The following TRDN variants were observed in gnomAD, a reference collection of about 807,000 sequenced individuals.
The protein encoded by TRDN is triadin.
Under a neutral mutation model 149.7 loss-of-function variants are expected in TRDN, and 161 were observed. The observed-to-expected ratio is 1.08, with a 90% CI of 0.95 to 1.23. The LOEUF (loss-of-function observed/expected upper bound fraction) is 1.23. Ranked by LOEUF, TRDN falls within the 50% of genes most tolerant of loss-of-function variation. TRDN has a pLI of 0.00. For missense variants in TRDN, 896 were observed against 823.5 expected, an observed-to-expected ratio of 1.09 and a Z score of -1.08; for synonymous variants, 294 against 250.5, an observed-to-expected ratio of 1.17 and a Z score of -1.64.
chr6:123,350,691 C>T (rs1780430301), intron 21 of TRDN: 2 of 811,952 alleles, frequency 2.5e-6, no homozygotes, highest in Admixed American at 6.3e-5. Flanking sequence ...TGCAAAATAT[C>T]CAAATATATT....
chr6:123,571,867 C>T (rs749639050), intron 1 of TRDN, among the ~76,000 whole-genome samples: 2 of 151,992 alleles, frequency 1.3e-5, no homozygotes, highest in Non-Finnish European at 1.5e-5. Flanking sequence ...TAAGTGGCTT[C>T]ATGACATGTA....
At chr6:123,467,185 A>C (rs930255365) in intron 9 of TRDN, among the ~76,000 whole-genome samples, 1 of 152,082 alleles carries the variant, frequency 6.6e-6, no homozygotes, top group African/African-American at 2.4e-5. Flanking sequence ...GTGTTGAAGG[A>C]AAATCGTATA....
chr6:123,286,623 T>C (rs1221534174), intron 24 of TRDN, among the ~76,000 whole-genome samples: 1 of 151,904 alleles, frequency 6.6e-6, no homozygotes, highest in Admixed American at 6.6e-5. Flanking sequence ...AAATCACAAC[T>C]GAAGAACTTA....
intron 12 of TRDN, among the ~76,000 whole-genome samples, chr6:123,427,812 T>C (rs987321383): frequency 5.9e-5 from 9 of 152,146 alleles, no homozygotes; most frequent in African/African-American, 2.2e-4. Context: ...ATTATCCAAG[T>C]GTAATTCTAA....
At chr6:123,579,875 T>A (rs1412117734) in intron 1 of TRDN, among the ~76,000 whole-genome samples, 1 of 152,044 alleles carries the variant, frequency 6.6e-6, no homozygotes, top group Non-Finnish European at 1.5e-5. Context: ...CCTCCCTCAC[T>A]CAGCACTTCT....
At chr6:123,590,047 C>A (rs182881538) in intron 1 of TRDN, among the ~76,000 whole-genome samples, 80 of 152,186 alleles carry the variant, frequency 5.3e-4, no homozygotes, top group African/African-American at 1.9e-3. Context: ...TTAACAATTA[C>A]AATTTTTAAT....
intron 38 of TRDN, among the ~76,000 whole-genome samples, chr6:123,227,081 C>A (rs1213726931): frequency 1.3e-5 from 2 of 151,728 alleles, no homozygotes; most frequent in South Asian, 2.1e-4. Flanking sequence ...AGGCTAAGTA[C>A]CCTCAACTAA....
chr6:123,585,547 C>T (rs758749776), intron 1 of TRDN, among the ~76,000 whole-genome samples: 54 of 152,260 alleles, frequency 3.5e-4, no homozygotes, highest in Admixed American at 1.1e-3. Context: ...GATTGGGCAG[C>T]GTCAGTCTTC....
Position 123,392,399 on chromosome 6 carries a change from T to C in TRDN, c.1105+1225A>G, listed in dbSNP as rs189728634. Among the ~76,000 whole-genome samples, 408 of 152,098 alleles carry C rather than the reference T, an allele frequency of 2.7e-3. 3 individuals carry two copies. Among genetic ancestry groups the C allele is most frequent in the African/African-American group, 9.2e-3 (381 of 41,554 alleles). ...TCGTAGTTCCACATCTACACTATGGTCCTCAGAAGTCTCAGTCAAACAGAA... is the reference window on the plus strand; with the variant it reads ...TCGTAGTTCCACATCTACACTATGGCCCTCAGAAGTCTCAGTCAAACAGAA... On this transcript the variant is annotated intron_variant, in intron 13 of 40. Coordinates refer to ENST00000334268, the MANE Select transcript of TRDN (RefSeq NM_006073.4).
rs530257072 is a variant in TRDN, at chr6:123,406,999, A to G, written c.1052-13322T>C. Among the ~76,000 whole-genome samples the G allele has an allele frequency of 7.3e-5, 11 of 151,642 alleles. No homozygotes were observed. In the South Asian group the frequency reaches 2.3e-3, roughly 32 times the overall value. On this transcript the variant is annotated intron_variant, in intron 12 of 40. Coordinates refer to ENST00000334268, the MANE Select transcript of TRDN (RefSeq NM_006073.4). ...CTTCCCACCTTCAGGCTCCAAGCTC[A>G]GGGTGCTTGCTGAGAGGGCCCAAGC...
rs1465776172 is a variant in TRDN at position 123,574,869 on chromosome 6, TATATATATATATATATATATATATAC to T, written c.23-3763_23-3738del. 2.3e-3 allele frequency among the ~76,000 whole-genome samples: 279 copies of T among 122,398 alleles called. 3 individuals are homozygous for T. Among genetic ancestry groups the T allele is most frequent in the African/African-American group, 9.2e-3 (252 of 27,440 alleles). 80.3% of individuals were successfully genotyped at this position (122,398 alleles called of 152,430 possible). ...GAATTTATATATACATATATATATA[TATATATATATATATATATATATATAC>T]ACACATTTTCCTTTCTTTGATCAAA... On this transcript the variant is annotated intron_variant, in intron 1 of 40. Coordinates refer to ENST00000334268, the MANE Select transcript of TRDN (RefSeq NM_006073.4).
At chr6:123,540,927 GTTGT>G (rs1780804778) in intron 4 of TRDN, among the ~76,000 whole-genome samples, 1 of 152,016 alleles carries the variant, frequency 6.6e-6, no homozygotes, top group African/African-American at 2.4e-5. Context: ...TTTTTTTGTT[GTTGT>G]TTATTTTATT....
intron 4 of TRDN, among the ~76,000 whole-genome samples, chr6:123,546,168 T>C (rs1781100999): frequency 6.6e-6 from 1 of 152,078 alleles, no homozygotes; most frequent in African/African-American, 2.4e-5. Context: ...TCTCTAAACC[T>C]GGATTTGATG....
intron 2 of TRDN, among the ~76,000 whole-genome samples, chr6:123,559,572 C>A (rs1781867397): frequency 6.6e-6 from 1 of 152,148 alleles, no homozygotes; most frequent in Non-Finnish European, 1.5e-5. Flanking sequence ...GCACCCCTTA[C>A]CATCTCATTA....
chr6:123,454,990 G>A (rs1191224039), intron 10 of TRDN, among the ~76,000 whole-genome samples: 1 of 152,150 alleles, frequency 6.6e-6, no homozygotes, highest in Non-Finnish European at 1.5e-5. Context: ...CTGCAACATG[G>A]ATAATGAAGC....
At chr6:123,253,287 T>C (rs1776441471) in intron 37 of TRDN, among the ~76,000 whole-genome samples, 1 of 152,066 alleles carries the variant, frequency 6.6e-6, no homozygotes, top group Non-Finnish European at 1.5e-5. Context: ...AGTTCCATTC[T>C]AACATTAGTC....
chr6:123,477,681 C>T (rs1444656781), intron 9 of TRDN, among the ~76,000 whole-genome samples: 1 of 151,944 alleles, frequency 6.6e-6, no homozygotes, highest in African/African-American at 2.4e-5. Flanking sequence ...CAATGATAGA[C>T]TGGATTAAGA....
intron 8 of TRDN, chr6:123,498,495 G>A (rs1162991304): frequency 8.5e-6 from 4 of 469,256 alleles, no homozygotes; most frequent in African/African-American, 2.0e-5. Context: ...AAATTTAGAT[G>A]TATTTTAGTT....
chr6:123,237,475 C>A (rs4324794), intron 38 of TRDN, among the ~76,000 whole-genome samples: 106,718 of 151,948 alleles, frequency 0.7, 38,894 homozygotes, highest in Non-Finnish European at 0.81. Context: ...GTCTCGAACT[C>A]CTGACCTCAT....
Sources: gnomAD v4.1 joint callset for allele counts (sites outside exome capture counted in the v4.1 genomes callset) on GRCh38, gnomAD v4.1.1 for gene constraint, MANE v1.5 for transcripts, NCBI Gene and HGNC (gene_info 2026-07-23, HGNC 2026-07-21) for gene names.